CCDC69: variants seen among roughly 807,000 people sequenced by gnomAD.
The protein encoded by CCDC69 is coiled-coil domain-containing protein 69.
In CCDC69, 38 loss-of-function variants were observed where a neutral mutation model predicts 40.3. That is an observed-to-expected ratio of 0.94 (90% CI 0.73 to 1.24). The LOEUF (loss-of-function observed/expected upper bound fraction) is 1.24, where lower values mean the gene tolerates loss of function less well. Ranked by LOEUF, CCDC69 falls within the 50% of genes most tolerant of loss-of-function variation. The pLI is 0.00. For missense variants in CCDC69, 389 were observed against 357.9 expected (o/e 1.09, Z -0.70); for synonymous variants, 141 against 138.9 (o/e 1.02, Z -0.11).
Position 151,193,798 on chromosome 5 carries a change from T to C in CCDC69, c.319+5199A>G, listed in dbSNP as rs147793532. Among the ~76,000 whole-genome samples, 1,032 of 152,052 alleles carry C rather than the reference T, an allele frequency of 6.8e-3. 2 individuals carry two copies. Among genetic ancestry groups the C allele is most frequent in the Middle Eastern group, 0.037 (11 of 294 alleles). Reference sequence around the variant, plus strand: ...TTTGTGAAAGACATTATTAACAGAATGAAAAAAATCACCCCACTGGCTAGG... The same window carrying C: ...TTTGTGAAAGACATTATTAACAGAACGAAAAAAATCACCCCACTGGCTAGG... On this transcript the variant is annotated intron_variant, in intron 4 of 8. Transcript: ENST00000355417.
rs1370772351 is a variant in CCDC69 at position 151,182,335 on chromosome 5, C to T, written c.*1102G>A. On this transcript the variant is annotated 3_prime_UTR_variant, in exon 9 of 9. Transcript: ENST00000355417. Reference sequence around the variant, plus strand: ...GGACGGCCTGCTGAGGTTAGTTACTCTAGCCACCCCTTTTCACTGATGGGG... The same window carrying T: ...GGACGGCCTGCTGAGGTTAGTTACTTTAGCCACCCCTTTTCACTGATGGGG... 1 of 152,538 alleles carries T rather than the reference C, an allele frequency of 6.6e-6. No homozygotes were observed. Among genetic ancestry groups the T allele is most frequent in the Non-Finnish European group, 1.5e-5 (1 of 68,350 alleles). 9.4% of individuals were successfully genotyped at this position (152,538 alleles called of 1,614,324 possible).
At chr5:151,211,078 G>T (rs892000172) in intron 1 of CCDC69, 1 of 152,194 alleles carries the variant, frequency 6.6e-6, no homozygotes, top group Non-Finnish European at 1.5e-5. Flanking sequence ...AAATAACCTA[G>T]TGCTACCTAT....
intron 3 of CCDC69, 56 bp downstream of exon 3, chr5:151,201,526 T>A: frequency 8.4e-7 from 1 of 1,196,930 alleles, no homozygotes; most frequent in Non-Finnish European, 1.2e-6. Flanking sequence ...CACTCTGGGA[T>A]TCACCAAAGT....
At chr5:151,207,700 C>G (rs780907982) in intron 1 of CCDC69, among the ~76,000 whole-genome samples, 2 of 152,128 alleles carry the variant, frequency 1.3e-5, no homozygotes, top group Non-Finnish European at 2.9e-5. Flanking sequence ...GGAGAACTGA[C>G]GTGCTTACTG....
intron 1 of CCDC69, among the ~76,000 whole-genome samples, chr5:151,218,483 C>T (rs1435253314): frequency 6.6e-6 from 1 of 152,140 alleles, no homozygotes; most frequent in Non-Finnish European, 1.5e-5. Flanking sequence ...CTCTTCCTTT[C>T]GTTGGGAGGG....
chr5:151,221,274 C>T (rs149675870), intron 1 of CCDC69, among the ~76,000 whole-genome samples: 119 of 152,326 alleles, frequency 7.8e-4, no homozygotes, highest in African/African-American at 2.8e-3. Flanking sequence ...TCTAAAAGTG[C>T]CTGCCTCATT....
chr5:151,184,372 G>A lies in CCDC69; in HGVS notation c.685C>T (p.Arg229Ter), dbSNP rs764997680. ...GACAGGACCACCTGGTTGCGGCTTCGGACATGGAGGTCCTCATTTTCCTGT... is the reference window on the plus strand; with the variant it reads ...GACAGGACCACCTGGTTGCGGCTTCAGACATGGAGGTCCTCATTTTCCTGT... ...LQQENEDLHV[R>*]SRNQVVLSRQ... Residue 229 changes from arginine (R) to a stop codon, truncating the protein, a stop_gained, in exon 8 of 9, where the codon CGA becomes TGA. Transcript: ENST00000355417. LOFTEE classifies it low-confidence loss of function (END_TRUNC). 23 of 1,614,014 alleles carry A rather than the reference G, an allele frequency of 1.4e-5. No homozygotes were observed. Among genetic ancestry groups the A allele is most frequent in the East Asian group, 2.2e-5 (1 of 44,890 alleles).
chr5:151,209,993 C>A (rs115416984), intron 1 of CCDC69, among the ~76,000 whole-genome samples: 1 of 152,140 alleles, frequency 6.6e-6, no homozygotes. Flanking sequence ...GAAAATCTCA[C>A]GACCCAGAGA....
chr5:151,208,817 G>T (rs531846151), intron 1 of CCDC69, among the ~76,000 whole-genome samples: 1 of 152,296 alleles, frequency 6.6e-6, no homozygotes, highest in South Asian at 2.1e-4. Flanking sequence ...TTACAAACTT[G>T]GGCAAATCCC....
At chr5:151,193,990 A>T (rs903258671) in intron 4 of CCDC69, among the ~76,000 whole-genome samples, 2 of 152,254 alleles carry the variant, frequency 1.3e-5, no homozygotes, top group African/African-American at 4.8e-5. Context: ...TGTTATTGAA[A>T]TGTAAATTAA....
At position 151,183,548 on chromosome 5, in the gene CCDC69, C is replaced by T; in HGVS notation, c.780G>A (p.Gln260=). ...ACAGCTCCTCCTTCTCCTGCTGGAG[C>T]TGTCGCCGCAGCTGCACCTCCTTCT... ...ALEKEVQLRR[Q]LQQEKEELLY... Residue 260 remains glutamine (Q), a synonymous_variant, in exon 9 of 9, where the codon CAG becomes CAA. Transcript: ENST00000355417. 1 of 1,611,704 alleles carries T rather than the reference C, an allele frequency of 6.2e-7. No individual in the cohort carries two copies.
chr5:151,208,207 C>T (rs748863350), intron 1 of CCDC69, among the ~76,000 whole-genome samples: 1 of 152,146 alleles, frequency 6.6e-6, no homozygotes, highest in Non-Finnish European at 1.5e-5. Context: ...GCCAAGATCT[C>T]GCCACTGCAC....
chr5:151,183,533 C>CT lies in CCDC69; in HGVS notation c.794dup (p.Glu266GlyfsTer25). 1 of 1,610,826 alleles carries CT rather than the reference C, an allele frequency of 6.2e-7. No individual in the cohort carries two copies. The highest frequency in any genetic ancestry group is 8.5e-7 in the Non-Finnish European group (1 of 1,179,066). The stretch of plus-strand genomic sequence containing the variant: ...CAAGGACCCGGTACAACAGCTCCTC[C>CT]TTCTCCTGCTGGAGCTGTCGCCGCA... On this transcript the variant is annotated frameshift_variant, in exon 9 of 9. Transcript: ENST00000355417. LOFTEE classifies it high-confidence loss of function.
intron 1 of CCDC69, among the ~76,000 whole-genome samples, chr5:151,208,192 A>C (rs1312093331): frequency 1.3e-5 from 2 of 152,230 alleles, no homozygotes; most frequent in African/African-American, 4.8e-5. Flanking sequence ...TGGAAGTTGC[A>C]GTGAGCCAAG....
rs184007145 is a variant in CCDC69, at chr5:151,191,413, G to A, written c.320-3954C>T. The stretch of plus-strand genomic sequence containing the variant: ...ATCTAAAATACTCAACCCAACAATA[G>A]CAGAATACACATTCCTTTCAAGTAT... On this transcript the variant is annotated intron_variant, in intron 4 of 8. Transcript: ENST00000355417. Among the ~76,000 whole-genome samples the A allele has an allele frequency of 3.2e-4, 48 of 152,244 alleles. 1 individual carries two copies. In the East Asian group the frequency reaches 8.1e-3, roughly 26 times the overall value.
rs1753061449 is a variant in CCDC69, at chr5:151,217,381, T to TCATTTTTGATTGCTGG, written c.48+6526_48+6541dup. On this transcript the variant is annotated intron_variant, in intron 1 of 8. Coordinates refer to ENST00000355417, the MANE Select transcript of CCDC69 (RefSeq NM_015621.3). ...AAAGGGAGGCACTGGGTTCTTGCTG[T>TCATTTTTGATTGCTGG]CATTTTTGATTGCTGGCAACTTGGG... Among the ~76,000 whole-genome samples, 4 of 152,228 alleles carry TCATTTTTGATTGCTGG rather than the reference T, an allele frequency of 2.6e-5. No homozygotes were observed. In the South Asian group the frequency reaches 6.2e-4, roughly 24 times the overall value.
intron 1 of CCDC69, 62 bp downstream of exon 1, chr5:151,223,861 G>C: frequency 6.6e-7 from 1 of 1,526,620 alleles, no homozygotes; most frequent in Non-Finnish European, 8.9e-7. Context: ...AGTCCTCTGC[G>C]GCGGAGCGAT....
rs977715481 is a variant in CCDC69 at position 151,183,022 on chromosome 5, A to C, written c.*415T>G. 4.3e-6 allele frequency: 2 copies of C among 461,152 alleles called. No individual in the cohort carries two copies. The highest frequency in any genetic ancestry group is 1.4e-4 in the East Asian group (2 of 14,608). 28.6% of individuals were successfully genotyped at this position (461,152 alleles called of 1,614,324 possible). The stretch of plus-strand genomic sequence containing the variant: ...TGAGGCTCTGAGCAGGCCAGGGTGG[A>C]GTGGAAACACCTAGAGGAAGTTGAT... On this transcript the variant is annotated 3_prime_UTR_variant, in exon 9 of 9. Coordinates refer to ENST00000355417, the MANE Select transcript of CCDC69 (RefSeq NM_015621.3).
intron 1 of CCDC69, chr5:151,210,607 C>T (rs1441292862): frequency 2.0e-5 from 3 of 152,090 alleles, no homozygotes; most frequent in African/African-American, 7.2e-5. Context: ...ATTTTATACA[C>T]ATCTAATATT....
Sources: gnomAD v4.1 joint callset for allele counts (sites outside exome capture counted in the v4.1 genomes callset) on GRCh38, gnomAD v4.1.1 for gene constraint, MANE v1.5 for transcripts, NCBI Gene and HGNC (gene_info 2026-07-23, HGNC 2026-07-21) for gene names.